Variants in ZNF343 observed in about 807,000 individuals in gnomAD.
ZNF343 encodes the protein zinc finger protein 343.
ZNF343 carries 11 observed loss-of-function variants against 13.8 expected under a neutral mutation model. The ratio of observed to expected loss-of-function variants is 0.80; its 90% CI spans 0.50 to 1.32. ZNF343 has a LOEUF of 1.32. Among genes scored for constraint, ZNF343 ranks in the 40% most tolerant of loss-of-function variants. The pLI is 0.00. For missense variants in ZNF343, 658 were observed against 714.2 expected (o/e 0.92, Z 0.90); for synonymous variants, 248 against 260.0 (o/e 0.95, Z 0.44).
intron 1 of ZNF343, among the ~76,000 whole-genome samples, chr20:2,515,729 A>G (rs143435204): frequency 1.6e-4 from 25 of 152,352 alleles, no homozygotes; most frequent in African/African-American, 5.8e-4. Flanking sequence ...ACAGAAATGT[A>G]TGGTTGAGGG....
Position 2,524,042 on chromosome 20 carries a change from A to T in ZNF343, c.-347+413T>A, listed in dbSNP as rs985160975. ...CCTCTTTGAAAATACTGCTTAGGATAGCTGGTGTGGCCCACTCCCATAATC... is the reference window on the plus strand; with the variant it reads ...CCTCTTTGAAAATACTGCTTAGGATTGCTGGTGTGGCCCACTCCCATAATC... On this transcript the variant is annotated intron_variant, in intron 1 of 6. Transcript: ENST00000358413. Among the ~76,000 whole-genome samples, 4 of 151,004 alleles carry T rather than the reference A, an allele frequency of 2.6e-5. No homozygotes were observed. The East Asian group carries it at 7.8e-4, about 29-fold the overall frequency.
chr20:2,496,021 GC>G (rs1211475350), intron 2 of ZNF343, among the ~76,000 whole-genome samples: 1 of 152,084 alleles, frequency 6.6e-6, no homozygotes, highest in Non-Finnish European at 1.5e-5. Flanking sequence ...TGCCACAAAT[GC>G]AACAGAAAAA....
chr20:2,496,200 T>C (rs1316019336), intron 2 of ZNF343, among the ~76,000 whole-genome samples: 1 of 152,144 alleles, frequency 6.6e-6, no homozygotes. Context: ...TTAAATCGAG[T>C]ATTTAAGGAA....
chr20:2,492,852 T>C (rs1450471361), intron 4 of ZNF343, 27 bp from the exon 5 acceptor site: 5 of 1,609,864 alleles, frequency 3.1e-6, no homozygotes, highest in Non-Finnish European at 4.2e-6. Flanking sequence ...AATTAATGTA[T>C]AGCAAGCCAC....
At chr20:2,523,934 A>T (rs73573146) in intron 1 of ZNF343, among the ~76,000 whole-genome samples, 17,660 of 147,386 alleles carry the variant, frequency 0.12, 1,750 homozygotes, top group African/African-American at 0.27. Flanking sequence ...CAGTGAGCTG[A>T]GATCGTGCCA....
At chr20:2,523,348 C>A (rs1269906216) in intron 1 of ZNF343, among the ~76,000 whole-genome samples, 1 of 152,082 alleles carries the variant, frequency 6.6e-6, no homozygotes, top group Non-Finnish European at 1.5e-5. Context: ...ATAGTCAGTC[C>A]GGCAGCCCAT....
rs925137497 is a variant in ZNF343, at chr20:2,492,788, G to A, written c.215C>T (p.Thr72Ile). ...VTFRDVTVIFTEAEWKRLSPE... is the reference protein window; with the variant it reads ...VTFRDVTVIFIEAEWKRLSPE... Reference sequence around the variant, plus strand: ...ACTCAGTCTCTTCCATTCTGCTTCTGTGAAGATCACAGTCACATCCCTGAA... The same window carrying A: ...ACTCAGTCTCTTCCATTCTGCTTCTATGAAGATCACAGTCACATCCCTGAA... The change falls in exon 5 of 6, where the codon ACA becomes ATA. Residue 72 changes from threonine (T) to isoleucine (I), a missense_variant. By Grantham distance (89) the Thr-to-Ile change is moderately conservative. Transcript: ENST00000278772. 1.2e-6 allele frequency: 2 copies of A among 1,613,592 alleles called. No homozygotes were observed. Among genetic ancestry groups the A allele is most frequent in the African/African-American group, 2.7e-5 (2 of 74,908 alleles).
intron 5 of ZNF343, among the ~76,000 whole-genome samples, chr20:2,487,332 C>T (rs1223970385): frequency 2.6e-5 from 4 of 152,190 alleles, no homozygotes; most frequent in African/African-American, 7.2e-5. Context: ...CAGCCAAATC[C>T]CACATATAAC....
intron 2 of ZNF343, among the ~76,000 whole-genome samples, chr20:2,496,033 A>G (rs925983807): frequency 6.6e-6 from 1 of 152,294 alleles, no homozygotes; most frequent in African/African-American, 2.4e-5. Flanking sequence ...AACAGAAAAA[A>G]TACCAGCACT....
chr20:2,493,882 T>C lies in ZNF343; in HGVS notation c.14A>G (p.Tyr5Cys). Residue 5 changes from tyrosine to cysteine, a missense_variant, in exon 3 of 6, where the codon TAT (tyrosine) becomes TGT (cysteine). By Grantham distance (194) the Tyr-to-Cys change is radical (BLOSUM62 -2). Transcript: ENST00000278772. ...GTATTGATCTCCCAGTGCTGAAGGA[T>C]AAGGCAACATCATGGCGCCAGAGTC... Reference protein sequence around the residue: MMLPYPSALGDQYWE... With the variant: MMLPCPSALGDQYWE... The C allele has an allele frequency of 6.2e-7, 1 of 1,612,750 alleles. No individual in the cohort carries two copies. The highest frequency in any genetic ancestry group is 2.2e-5 in the East Asian group (1 of 44,864).
intron 1 of ZNF343, among the ~76,000 whole-genome samples, chr20:2,516,476 A>G (rs1293997718): frequency 3.3e-5 from 5 of 152,066 alleles, no homozygotes; most frequent in African/African-American, 1.2e-4. Flanking sequence ...TCAGAGTGAG[A>G]GCAAGTGCAC....
intron 1 of ZNF343, among the ~76,000 whole-genome samples, chr20:2,517,646 C>G (rs376004689): frequency 6.6e-6 from 1 of 151,588 alleles, no homozygotes; most frequent in African/African-American, 2.4e-5. Context: ...GGACTACAGG[C>G]ACACACCACC....
At chr20:2,517,020 T>C (rs552702200) in intron 1 of ZNF343, among the ~76,000 whole-genome samples, 45 of 152,188 alleles carry the variant, frequency 3.0e-4, no homozygotes, top group Non-Finnish European at 5.7e-4. Context: ...CATTCATATC[T>C]AAGGTAACTC....
intron 5 of ZNF343, among the ~76,000 whole-genome samples, chr20:2,492,485 C>T (rs1381870119): frequency 6.6e-6 from 1 of 152,162 alleles, no homozygotes; most frequent in Non-Finnish European, 1.5e-5. Context: ...GCACTTATCA[C>T]CTTTTAACAT....
chr20:2,513,994 A>G (rs2085749074), intron 1 of ZNF343, among the ~76,000 whole-genome samples: 1 of 152,222 alleles, frequency 6.6e-6, no homozygotes, highest in Non-Finnish European at 1.5e-5. Flanking sequence ...CAAAATGACC[A>G]CTTAATGGGC....
At chr20:2,490,043 A>G (rs1321074263) in intron 5 of ZNF343, among the ~76,000 whole-genome samples, 1 of 152,036 alleles carries the variant, frequency 6.6e-6, no homozygotes, top group Non-Finnish European at 1.5e-5. Context: ...GGGAAGGGGG[A>G]AAAAGCGAAC....
At chr20:2,516,499 C>T (rs1478942191) in intron 1 of ZNF343, among the ~76,000 whole-genome samples, 3 of 151,856 alleles carry the variant, frequency 2.0e-5, no homozygotes, top group South Asian at 2.1e-4. Context: ...TGAGTGTGAG[C>T]GTGGGCATGA....
rs536576361 is a variant in ZNF343 at position 2,515,444 on chromosome 20, A to C, written c.-347+9011T>G. ...ATGACTCAGCAGGATTTGTGAAATCAGCTCAGAATTGTTCTCCAAAGAATC... is the reference window on the plus strand; with the variant it reads ...ATGACTCAGCAGGATTTGTGAAATCCGCTCAGAATTGTTCTCCAAAGAATC... On this transcript the variant is annotated intron_variant, in intron 1 of 6. Coordinates refer to the ZNF343 transcript ENST00000358413. Among the ~76,000 whole-genome samples, 3 of 152,368 alleles carry C rather than the reference A, an allele frequency of 2.0e-5. No individual in the cohort carries two copies. In the South Asian group the frequency reaches 6.2e-4, roughly 32 times the overall value.
rs1050269645 is a variant in ZNF343, at chr20:2,482,651, A to G, written c.*510T>C. 1 of 160,284 alleles carries G rather than the reference A, an allele frequency of 6.2e-6. No individual in the cohort carries two copies. Among genetic ancestry groups the G allele is most frequent in the African/African-American group, 2.4e-5 (1 of 41,456 alleles). The allele number at this position is 160,284 out of a possible 1,614,324, so 9.9% of individuals were successfully genotyped here. ...TCAAGCAGCTGGGGTGTTACCCCTG[A>G]AAAGGTCATCTGGGCAGAGCTCCAC... On this transcript the variant is annotated 3_prime_UTR_variant, in exon 6 of 6. Transcript: ENST00000278772.
Sources: gnomAD v4.1 joint callset for allele counts (sites outside exome capture counted in the v4.1 genomes callset) on GRCh38, gnomAD v4.1.1 for gene constraint, MANE v1.5 for transcripts, NCBI Gene and HGNC (gene_info 2026-07-23, HGNC 2026-07-21) for gene names.